PRELID2: variants seen among roughly 807,000 people sequenced by gnomAD.
The protein encoded by PRELID2 is PRELI domain-containing protein 2.
In PRELID2, 25 loss-of-function variants were observed where a neutral mutation model predicts 28.4. That is an observed-to-expected ratio of 0.88 (90% confidence interval 0.64 to 1.23). PRELID2 has a LOEUF of 1.23. Among genes scored for constraint, PRELID2 ranks in the 50% most tolerant of loss-of-function variants. PRELID2 has a pLI of 0.00. For synonymous variants in PRELID2, 76 were observed against 71.6 expected, an observed-to-expected ratio of 1.06 and a Z score of -0.31; for missense variants, 201 against 214.4, an observed-to-expected ratio of 0.94 and a Z score of 0.39.
the PRELID2 span, chr5:145,450,619 T>C: frequency 6.6e-6 from 1 of 152,186 alleles, no homozygotes; most frequent in African/African-American, 2.4e-5. Context: ...TTCACTGTTA[T>C]AAATGCTGAA....
chr5:145,731,055 T>A (rs1336209786), intron 1 of PRELID2, among the ~76,000 whole-genome samples: 8 of 152,224 alleles, frequency 5.3e-5, no homozygotes, highest in Admixed American at 5.2e-4. Flanking sequence ...GCCAGGAGTG[T>A]CTCTCAGGTT....
chr5:145,697,058 TATATATATATATATATATATATAC>T (rs1755290086), intron 1 of PRELID2, among the ~76,000 whole-genome samples: 2 of 119,958 alleles, frequency 1.7e-5, no homozygotes, highest in African/African-American at 7.9e-5. Flanking sequence ...TATATATATA[TATATATATATATATATATATATAC>T]ACACACACAC....
At chr5:145,556,702 A>T (rs1047540950) in intron 1 of PRELID2, among the ~76,000 whole-genome samples, 1 of 152,204 alleles carries the variant, frequency 6.6e-6, no homozygotes, top group African/African-American at 2.4e-5. Flanking sequence ...ACAAGGCCCA[A>T]TGTGGTCTCA....
chr5:145,420,364 G>A, the PRELID2 span, among the ~76,000 whole-genome samples: 1 of 151,934 alleles, frequency 6.6e-6, no homozygotes, highest in South Asian at 2.1e-4. Context: ...CTACCCATGA[G>A]CATGGAATGT....
chr5:145,243,557 A>G, the PRELID2 span, among the ~76,000 whole-genome samples: 2 of 152,054 alleles, frequency 1.3e-5, no homozygotes, highest in African/African-American at 4.8e-5. Flanking sequence ...TATGAAAGCT[A>G]TGTTTGGTTA....
chr5:145,349,420 C>T, the PRELID2 span, among the ~76,000 whole-genome samples: 24 of 152,092 alleles, frequency 1.6e-4, no homozygotes, highest in Admixed American at 1.3e-3. Flanking sequence ...AGTCCAAATT[C>T]AACAATCAAA....
chr5:145,399,234 A>G, the PRELID2 span, among the ~76,000 whole-genome samples: 1 of 152,142 alleles, frequency 6.6e-6, no homozygotes, highest in African/African-American at 2.4e-5. Flanking sequence ...AGTTTCCTCA[A>G]TGTGGTGATA....
intron 1 of PRELID2, among the ~76,000 whole-genome samples, chr5:145,549,364 A>G (rs1752813382): frequency 6.6e-6 from 1 of 152,232 alleles, no homozygotes. Flanking sequence ...TCAAATTCTT[A>G]GTGATCCAGG....
intron 1 of PRELID2, among the ~76,000 whole-genome samples, chr5:145,833,205 A>G (rs1755717400): frequency 6.6e-6 from 1 of 152,212 alleles, no homozygotes; most frequent in Non-Finnish European, 1.5e-5. Flanking sequence ...GTGCTTCTGC[A>G]GGAGTGAGTC....
chr5:145,601,774 G>C (rs1044587678), intron 1 of PRELID2, among the ~76,000 whole-genome samples: 1 of 152,172 alleles, frequency 6.6e-6, no homozygotes. Context: ...CTAAGGCAAG[G>C]ATGTGAATAT....
chr5:145,628,916 G>A (rs1047072361), intron 1 of PRELID2, among the ~76,000 whole-genome samples: 6 of 152,170 alleles, frequency 3.9e-5, no homozygotes, highest in African/African-American at 1.2e-4. Context: ...GATAAAAAAT[G>A]CTTTTAGCCC....
chr5:145,234,149 CATAG>C, the PRELID2 span, among the ~76,000 whole-genome samples: 5 of 152,116 alleles, frequency 3.3e-5, no homozygotes, highest in East Asian at 9.6e-4. Context: ...GAAATCTGCT[CATAG>C]ATACTTAGTA....
chr5:145,605,784 A>G (rs1753495546), intron 1 of PRELID2, among the ~76,000 whole-genome samples: 1 of 151,988 alleles, frequency 6.6e-6, no homozygotes, highest in Admixed American at 6.6e-5. Flanking sequence ...AAGAATGAAG[A>G]ATGATGAATA....
intron 1 of PRELID2, among the ~76,000 whole-genome samples, chr5:145,572,478 A>G (rs1177927876): frequency 6.6e-6 from 1 of 152,234 alleles, no homozygotes; most frequent in Admixed American, 6.5e-5. Flanking sequence ...AAATTAATAC[A>G]TATAAAGCAC....
chr5:145,746,079 C>A (rs1756982779), intron 1 of PRELID2, among the ~76,000 whole-genome samples: 1 of 152,068 alleles, frequency 6.6e-6, no homozygotes, highest in South Asian at 2.1e-4. Context: ...ATATAAAGAC[C>A]AATGACACTA....
chr5:145,435,680 G>A, the PRELID2 span, among the ~76,000 whole-genome samples: 343 of 152,194 alleles, frequency 2.3e-3, 1 homozygote, highest in African/African-American at 7.4e-3. Flanking sequence ...GCCAAATAGG[G>A]TCTTACAAGT....
chr5:145,478,545 C>T (rs560560233), intron 1 of PRELID2, among the ~76,000 whole-genome samples: 6 of 151,846 alleles, frequency 4.0e-5, no homozygotes, highest in Non-Finnish European at 5.9e-5. Context: ...AGCAAGACCC[C>T]GTCTCCAAAA....
At chr5:145,629,856 C>A (rs962261328) in intron 1 of PRELID2, among the ~76,000 whole-genome samples, 1 of 149,534 alleles carries the variant, frequency 6.7e-6, no homozygotes, top group Non-Finnish European at 1.5e-5. Flanking sequence ...GAAATGAAAA[C>A]CCCTATGAAC....
chr5:145,740,353 C>G (rs1177630975), intron 1 of PRELID2, among the ~76,000 whole-genome samples: 2 of 112,412 alleles, frequency 1.8e-5, no homozygotes, highest in Admixed American at 2.1e-4. Flanking sequence ...TACAACAGAG[C>G]TGCAAAATAT....
Sources: allele counts gnomAD v4.1 joint callset (sites outside exome capture counted in the v4.1 genomes callset), GRCh38; gene constraint gnomAD v4.1.1; transcripts MANE v1.5; gene names NCBI Gene and HGNC (gene_info 2026-07-23, HGNC 2026-07-21).